GRIP1: variants seen among roughly 807,000 people sequenced by gnomAD.
The protein encoded by GRIP1 is glutamate receptor interacting protein 1, also known as glutamate receptor-interacting protein 1.
Under a neutral mutation model 129.9 loss-of-function variants are expected in GRIP1, and 45 were observed. That is an observed-to-expected ratio of 0.35 (90% CI 0.27 to 0.44). The LOEUF is 0.44. Among genes scored for constraint, GRIP1 ranks in the 20% least tolerant of loss-of-function variants. The pLI, the probability that GRIP1 is intolerant of heterozygous loss-of-function variation, is 1.00. For missense variants in GRIP1, 1,196 were observed against 1,396.8 expected (o/e 0.86, Z 2.29); for synonymous variants, 530 against 520.8 (o/e 1.02, Z -0.24).
chr12:66,661,508 C>G (rs2033508376), intron 1 of GRIP1, among the ~76,000 whole-genome samples: 2 of 147,254 alleles, frequency 1.4e-5, no homozygotes, highest in African/African-American at 5.0e-5. Flanking sequence ...ATAAACCATA[C>G]TTACTACTAT....
At chr12:66,552,097 T>C (rs11176258) in intron 2 of GRIP1, among the ~76,000 whole-genome samples, 19,459 of 152,160 alleles carry the variant, frequency 0.13, 1,301 homozygotes, top group East Asian at 0.19. Context: ...GAGCTAGTCA[T>C]TGCTGAGTTA....
intron 1 of GRIP1, among the ~76,000 whole-genome samples, chr12:66,604,751 A>G (rs2064434128): frequency 6.6e-6 from 1 of 152,302 alleles, no homozygotes; most frequent in Admixed American, 6.5e-5. Context: ...ATAAGTGACT[A>G]GCTTTAGAAT....
At chr12:66,919,907 T>C (rs2041185605) in intron 1 of GRIP1, among the ~76,000 whole-genome samples, 1 of 152,194 alleles carries the variant, frequency 6.6e-6, no homozygotes, top group Non-Finnish European at 1.5e-5. Context: ...AAAATATTTA[T>C]AGATGTACTT....
intron 1 of GRIP1, among the ~76,000 whole-genome samples, chr12:66,988,083 A>G (rs1357432158): frequency 6.6e-6 from 1 of 152,204 alleles, no homozygotes; most frequent in Non-Finnish European, 1.5e-5. Context: ...GAAACAATAA[A>G]TAAACTTAAG....
At chr12:66,636,268 A>C (rs1314135990) in intron 1 of GRIP1, among the ~76,000 whole-genome samples, 1 of 152,210 alleles carries the variant, frequency 6.6e-6, no homozygotes, top group African/African-American at 2.4e-5. Context: ...GGGAACGGGG[A>C]GTTATTGTTT....
At chr12:66,447,398 TG>T (rs1473698922) in intron 11 of GRIP1, among the ~76,000 whole-genome samples, 1 of 152,236 alleles carries the variant, frequency 6.6e-6, no homozygotes, top group Non-Finnish European at 1.5e-5. Flanking sequence ...AATTATTTGT[TG>T]TGTGATATTT....
chr12:66,614,803 C>T (rs2064967979), intron 1 of GRIP1, among the ~76,000 whole-genome samples: 1 of 152,132 alleles, frequency 6.6e-6, no homozygotes, highest in Admixed American at 6.6e-5. Context: ...CACTGCTTTC[C>T]TCCCACTCCT....
chr12:66,377,634 C>T (rs1282650619), intron 20 of GRIP1, among the ~76,000 whole-genome samples: 2 of 133,134 alleles, frequency 1.5e-5, no homozygotes, highest in Admixed American at 8.4e-5. Flanking sequence ...CCACCGCACC[C>T]GGCCTTTTTT....
At chr12:66,537,519 C>CTCAT (rs146090222) in intron 4 of GRIP1, among the ~76,000 whole-genome samples, 5 of 149,376 alleles carry the variant, frequency 3.3e-5, no homozygotes, top group African/African-American at 1.2e-4. Flanking sequence ...ATGGATATAT[C>CTCAT]ATATATATAT....
chr12:66,408,026 C>A (rs2057258239), intron 15 of GRIP1, among the ~76,000 whole-genome samples: 1 of 152,168 alleles, frequency 6.6e-6, no homozygotes, highest in African/African-American at 2.4e-5. Flanking sequence ...TACGACAGGG[C>A]ACCGGGCAGA....
chr12:66,747,913 TA>T lies in GRIP1; in HGVS notation c.-420+56139del, dbSNP rs2037000948. Among the ~76,000 whole-genome samples, 4 of 152,178 alleles carry T rather than the reference TA, an allele frequency of 2.6e-5. No homozygotes were observed. The South Asian group carries it at 8.3e-4, about 32-fold the overall frequency. ...TCACGTAATACGGATTCAGAGATTATAAGGAAAGAATACATTATTTATGCAT... is the reference window on the plus strand; with the variant it reads ...TCACGTAATACGGATTCAGAGATTATAGGAAAGAATACATTATTTATGCAT... On this transcript the variant is annotated intron_variant, in intron 1 of 4. Coordinates refer to the GRIP1 transcript ENST00000538373.
At chr12:66,526,987 T>G (rs76450057) in intron 5 of GRIP1, among the ~76,000 whole-genome samples, 4 of 119,628 alleles carry the variant, frequency 3.3e-5, no homozygotes, top group Admixed American at 8.1e-5. Flanking sequence ...TACCATCTCA[T>G]ACCAGTTAGA....
chr12:66,437,383 C>T (rs1289806330), intron 13 of GRIP1, among the ~76,000 whole-genome samples: 3 of 152,026 alleles, frequency 2.0e-5, no homozygotes, highest in East Asian at 3.9e-4. Flanking sequence ...GGGAGAATAT[C>T]GGTGTCAACT....
intron 1 of GRIP1, among the ~76,000 whole-genome samples, chr12:66,996,507 A>G (rs1460009033): frequency 6.6e-6 from 1 of 152,166 alleles, no homozygotes; most frequent in East Asian, 1.9e-4. Context: ...GCAGTGCCAG[A>G]GAATCACCTC....
chr12:66,555,434 C>G (rs1389542858), intron 2 of GRIP1, among the ~76,000 whole-genome samples: 2 of 152,132 alleles, frequency 1.3e-5, no homozygotes, highest in African/African-American at 4.8e-5. Context: ...GCAGAGCTCT[C>G]CCAAGAAGGA....
chr12:67,012,509 G>A (rs931349257), intron 1 of GRIP1, among the ~76,000 whole-genome samples: 1 of 152,108 alleles, frequency 6.6e-6, no homozygotes, highest in Non-Finnish European at 1.5e-5. Flanking sequence ...CATCACTTAG[G>A]ACCTGCCCAT....
At chr12:66,518,327 T>G (rs915594724) in intron 5 of GRIP1, among the ~76,000 whole-genome samples, 6 of 151,976 alleles carry the variant, frequency 3.9e-5, no homozygotes, top group African/African-American at 1.2e-4. Context: ...CCAATCAAAC[T>G]GATCTAAAAT....
rs1232949032 is a variant in GRIP1 at position 66,617,083 on chromosome 12, TTTTGTGTGTG to T, written c.56-20166_56-20157del. Among the ~76,000 whole-genome samples the T allele has an allele frequency of 1.7e-3, 87 of 51,182 alleles. 2 individuals are homozygous for T. Among genetic ancestry groups the T allele is most frequent in the South Asian group, 2.9e-3 (5 of 1,698 alleles). The allele number at this position is 51,182 out of a possible 152,430, so 33.6% of individuals were successfully genotyped here. A position where few individuals can be genotyped will look rare whatever the true frequency, so the allele number is the denominator to read the frequency against. ...GGAGCAACTTGACAAGCAACAGACG[TTTTGTGTGTG>T]TGTGTGTGTGTGTGTGTGTGTGTGT... is the stretch of plus-strand genomic sequence containing the variant. On this transcript the variant is annotated intron_variant, in intron 1 of 24. Coordinates refer to ENST00000359742, the MANE Select transcript of GRIP1 (RefSeq NM_001366722.1).
At chr12:66,937,684 T>C (rs1460692833) in intron 1 of GRIP1, among the ~76,000 whole-genome samples, 3 of 152,144 alleles carry the variant, frequency 2.0e-5, no homozygotes, top group Admixed American at 2.0e-4. Flanking sequence ...GAGATGATAT[T>C]ATGGTGATAG....
Sources: gnomAD v4.1 joint callset for allele counts (sites outside exome capture counted in the v4.1 genomes callset) on GRCh38, gnomAD v4.1.1 for gene constraint, MANE v1.5 for transcripts, NCBI Gene and HGNC (gene_info 2026-07-23, HGNC 2026-07-21) for gene names.